Variants in TAB2 observed in about 807,000 individuals in gnomAD.
TAB2 encodes the protein TGF-beta-activated kinase 1 and MAP3K7-binding protein 2.
A neutral mutation model predicts 65.0 loss-of-function variants in TAB2; 3 were observed. The ratio of observed to expected loss-of-function variants is 0.05; its 90% CI spans 0.02 to 0.12. TAB2 has a LOEUF of 0.12. Among genes scored for constraint, TAB2 ranks in the 10% least tolerant of loss-of-function variants. The probability of loss-of-function intolerance (pLI) is 1.00; values close to 1 mark genes in which losing one functional copy is unlikely to be tolerated. For synonymous variants in TAB2, 298 were observed against 285.1 expected (o/e 1.05, Z -0.46); for missense variants, 623 against 840.3 (o/e 0.74, Z 3.20).
Position 149,357,430 on chromosome 6 carries a change from A to AAACACACACACAC in TAB2, c.-89-12478_-89-12477insACACACACACACA. Among the ~76,000 whole-genome samples, 51 of 111,180 alleles carry AAACACACACACAC rather than the reference A, an allele frequency of 4.6e-4. No homozygotes were observed. In the East Asian group the frequency reaches 8.4e-3, roughly 18 times the overall value. 72.9% of individuals were successfully genotyped at this position (111,180 alleles called of 152,430 possible). A position where few individuals can be genotyped will look rare whatever the true frequency, so the allele number is the denominator to read the frequency against. ...GACTCCGTCTCAAGGAGAAAAAAAAAACACACACACACACACACACACACA... is the reference window on the plus strand; with the variant it reads ...GACTCCGTCTCAAGGAGAAAAAAAAAAACACACACACACACACACACACACACACACACACACA... On this transcript the variant is annotated intron_variant, in intron 1 of 6. Transcript: ENST00000637181.
intron 1 of TAB2, among the ~76,000 whole-genome samples, chr6:149,223,936 C>G (rs776514393): frequency 3.9e-5 from 6 of 152,026 alleles, no homozygotes; most frequent in Non-Finnish European, 8.8e-5. Flanking sequence ...TCATAAATAA[C>G]TTTACTTAAG....
upstream of TAB2, among the ~76,000 whole-genome samples, chr6:149,316,955 G>C (rs113790334): frequency 0.017 from 2,588 of 151,810 alleles, 23 homozygotes; most frequent in Non-Finnish European, 0.026. Context: ...CCGGCTCCAA[G>C]GGGGTGTGTC....
At chr6:149,262,718 G>A (rs1778180481) in intron 1 of TAB2, among the ~76,000 whole-genome samples, 1 of 152,148 alleles carries the variant, frequency 6.6e-6, no homozygotes, top group African/African-American at 2.4e-5. Context: ...CTCCCACCAT[G>A]AGCTTGTCCC....
intron 1 of TAB2, chr6:149,321,138 G>C (rs1779443196): frequency 6.6e-6 from 1 of 152,248 alleles, no homozygotes; most frequent in Admixed American, 6.5e-5. Flanking sequence ...ACTGTACAAA[G>C]GAGATTGTCT....
At chr6:149,225,846 G>A (rs539661534) in intron 1 of TAB2, among the ~76,000 whole-genome samples, 35 of 152,036 alleles carry the variant, frequency 2.3e-4, no homozygotes, top group African/African-American at 8.0e-4. Flanking sequence ...AACATTTCAA[G>A]TATTCCAAAA....
At position 149,409,846 on chromosome 6, in the gene TAB2, C is replaced by G; in HGVS notation, c.*127C>G. 9.2e-7 allele frequency: 1 copy of G among 1,083,816 alleles called. No individual in the cohort carries two copies. The highest frequency in any genetic ancestry group is 1.3e-5 in the South Asian group (1 of 77,744). The allele number at this position is 1,083,816 out of a possible 1,614,324, so 67.1% of individuals were successfully genotyped here. ...GAAGGTGTGACAAGATGGTGTTCTGCTAATGTTAAATGTCAGCCCACAGAG... is the reference window on the plus strand; with the variant it reads ...GAAGGTGTGACAAGATGGTGTTCTGGTAATGTTAAATGTCAGCCCACAGAG... On this transcript the variant is annotated 3_prime_UTR_variant, in exon 7 of 7. Coordinates refer to ENST00000637181, the MANE Select transcript of TAB2 (RefSeq NM_001292034.3).
chr6:149,372,879 C>T (rs1583134482), intron 2 of TAB2, among the ~76,000 whole-genome samples: 1 of 152,176 alleles, frequency 6.6e-6, no homozygotes, highest in African/African-American at 2.4e-5. Context: ...TTTGGGGCTG[C>T]TCTTCCTTTC....
At chr6:149,267,876 T>A (rs1249001661) in intron 1 of TAB2, among the ~76,000 whole-genome samples, 1 of 152,188 alleles carries the variant, frequency 6.6e-6, no homozygotes, top group Non-Finnish European at 1.5e-5. Context: ...AGTGAAAATA[T>A]GGTATTATAA....
chr6:149,233,155 C>A (rs1209735543), intron 1 of TAB2, among the ~76,000 whole-genome samples: 1 of 152,130 alleles, frequency 6.6e-6, no homozygotes, highest in Admixed American at 6.5e-5. Context: ...CAGGAAATAA[C>A]CAAGGAAGTC....
At chr6:149,371,776 G>T (rs1275824165) in intron 2 of TAB2, among the ~76,000 whole-genome samples, 1 of 151,936 alleles carries the variant, frequency 6.6e-6, no homozygotes. Context: ...AGCCCATAAG[G>T]TATATTTGGT....
At chr6:149,221,509 C>T (rs1362795460) in intron 1 of TAB2, among the ~76,000 whole-genome samples, 2 of 152,202 alleles carry the variant, frequency 1.3e-5, no homozygotes, top group African/African-American at 4.8e-5. Context: ...ATAGTTTTGA[C>T]CTCATGGCTC....
chr6:149,218,466 G>A (rs1487606822), upstream of TAB2, among the ~76,000 whole-genome samples: 1 of 152,210 alleles, frequency 6.6e-6, no homozygotes, highest in Admixed American at 6.5e-5. Context: ...AAGAAGAGTG[G>A]CATTAAGCCT....
chr6:149,324,684 A>C (rs1360460685), intron 1 of TAB2, among the ~76,000 whole-genome samples: 4 of 152,176 alleles, frequency 2.6e-5, no homozygotes. Context: ...TGAACTCAGC[A>C]ACTTGACCTT....
At chr6:149,325,901 A>G (rs1779602437) in intron 1 of TAB2, among the ~76,000 whole-genome samples, 1 of 152,084 alleles carries the variant, frequency 6.6e-6, no homozygotes, top group South Asian at 2.1e-4. Flanking sequence ...CACAACGCTC[A>G]GCTTACTTTT....
intron 1 of TAB2, among the ~76,000 whole-genome samples, chr6:149,323,864 C>G (rs1308874104): frequency 6.6e-6 from 1 of 152,070 alleles, no homozygotes; most frequent in Non-Finnish European, 1.5e-5. Flanking sequence ...TGCCACAGTA[C>G]TACTTTAGAA....
At chr6:149,249,444 GTCTCTC>G (rs1052572490) in intron 1 of TAB2, among the ~76,000 whole-genome samples, 1 of 151,844 alleles carries the variant, frequency 6.6e-6, no homozygotes, top group Non-Finnish European at 1.5e-5. Flanking sequence ...CTCCATCTCT[GTCTCTC>G]TCTGTCTCTC....
chr6:149,308,444 T>C (rs1392353758), intron 1 of TAB2, among the ~76,000 whole-genome samples: 1 of 152,146 alleles, frequency 6.6e-6, no homozygotes, highest in African/African-American at 2.4e-5. Flanking sequence ...TAGAGTGAAA[T>C]TGACTATAGA....
At chr6:149,324,424 G>A (rs1441119294) in intron 1 of TAB2, among the ~76,000 whole-genome samples, 1 of 151,890 alleles carries the variant, frequency 6.6e-6, no homozygotes, top group African/African-American at 2.4e-5. Flanking sequence ...TTGAATTTTA[G>A]CTTAAAGTTT....
intron 1 of TAB2, among the ~76,000 whole-genome samples, chr6:149,227,159 G>C (rs890651811): frequency 6.6e-6 from 1 of 152,120 alleles, no homozygotes; most frequent in South Asian, 2.1e-4. Context: ...ATATTAAAAC[G>C]AGAGATTTTT....
Sources: gnomAD v4.1 joint callset for allele counts (sites outside exome capture counted in the v4.1 genomes callset) on GRCh38, gnomAD v4.1.1 for gene constraint, MANE v1.5 for transcripts, NCBI Gene and HGNC (gene_info 2026-07-23, HGNC 2026-07-21) for gene names.